Variants in NLRC4 observed in about 807,000 individuals in gnomAD.
NLRC4 encodes the protein NLR family CARD domain containing 4, also known as NLR family CARD domain-containing protein 4.
In NLRC4, 63 loss-of-function variants were observed where a neutral mutation model predicts 79.9. The observed-to-expected ratio is 0.79, with a 90% CI of 0.64 to 0.97. The LOEUF (loss-of-function observed/expected upper bound fraction) is 0.97. NLRC4 is among the 50% of genes least tolerant of loss of function. The pLI is 0.00. For missense variants in NLRC4, 1,074 were observed against 1,215.2 expected, an observed-to-expected ratio of 0.88 and a Z score of 1.73; for synonymous variants, 461 against 456.5, an observed-to-expected ratio of 1.01 and a Z score of -0.12.
In NLRC4 at chr2:32,252,404, C is replaced by G. The variant is rs773504438; in HGVS notation, c.262+15G>C. ...TCTACTTGCAGAAACAGATGCAAAA[C>G]TAACTGATACTTACTTTGTCCATTC... On this transcript the variant is annotated intron_variant, in intron 3 of 8. Transcript: ENST00000402280. 6.3e-7 allele frequency: 1 copy of G among 1,588,324 alleles called. No individual in the cohort carries two copies. Among genetic ancestry groups the G allele is most frequent in the Non-Finnish European group, 8.6e-7 (1 of 1,156,986 alleles).
At chr2:32,234,602 G>T (rs997185681) in intron 8 of NLRC4, among the ~76,000 whole-genome samples, 1 of 152,134 alleles carries the variant, frequency 6.6e-6, no homozygotes, top group Non-Finnish European at 1.5e-5. Context: ...GCAACCAGTG[G>T]GATATGTCAG....
chr2:32,255,609 C>G (rs1159928314), intron 2 of NLRC4, among the ~76,000 whole-genome samples: 1 of 151,474 alleles, frequency 6.6e-6, no homozygotes. Context: ...CTTCCTGAGA[C>G]TACCTTTCTT....
At chr2:32,228,495 G>T (rs2148929970) in intron 8 of NLRC4, among the ~76,000 whole-genome samples, 1 of 152,208 alleles carries the variant, frequency 6.6e-6, no homozygotes, top group Non-Finnish European at 1.5e-5. Flanking sequence ...TCAGACATTT[G>T]ACAACAGCCT....
At chr2:32,229,764 G>T (rs1686488608) in intron 8 of NLRC4, among the ~76,000 whole-genome samples, 1 of 152,180 alleles carries the variant, frequency 6.6e-6, no homozygotes, top group African/African-American at 2.4e-5. Flanking sequence ...AGAAGGGAAT[G>T]CTCAGTGTCA....
At chr2:32,260,451 C>T (rs1006055958) in intron 1 of NLRC4, among the ~76,000 whole-genome samples, 8 of 152,114 alleles carry the variant, frequency 5.3e-5, no homozygotes, top group South Asian at 2.1e-4. Flanking sequence ...AAACTAGATG[C>T]TCACAGCCAT....
chr2:32,237,651 C>T (rs1686703178), intron 6 of NLRC4, among the ~76,000 whole-genome samples: 1 of 152,204 alleles, frequency 6.6e-6, no homozygotes, highest in African/African-American at 2.4e-5. Flanking sequence ...CAGTTAGTTT[C>T]CCCGTAGTTG....
intron 2 of NLRC4, among the ~76,000 whole-genome samples, chr2:32,254,681 C>T (rs546086943): frequency 6.8e-6 from 1 of 146,370 alleles, no homozygotes; most frequent in Non-Finnish European, 1.5e-5. Flanking sequence ...TGCAATGGCG[C>T]GATCTCAGCT....
chr2:32,230,053 A>G (rs1686493811), intron 8 of NLRC4, among the ~76,000 whole-genome samples: 2 of 152,202 alleles, frequency 1.3e-5, no homozygotes, highest in South Asian at 4.1e-4. Context: ...GGAGGGAGTC[A>G]GTAACAAGAG....
chr2:32,250,099 C>T lies in NLRC4; in HGVS notation c.1765G>A (p.Gly589Arg). ...FQGKSLYINS[G>R]NIPDYLFDFF... ...TCAAATAAGTAATCGGGGATGTTCCCTGAGTTGATATATAAGCTTTTACCT... is the reference window on the plus strand; with the variant it reads ...TCAAATAAGTAATCGGGGATGTTCCTTGAGTTGATATATAAGCTTTTACCT... Residue 589 changes from glycine to arginine, a missense_variant, in exon 4 of 9, where the codon GGG (glycine) becomes AGG (arginine). Transcript: ENST00000402280. The surrounding 1 kb of genome is among the most constrained non-coding windows in gnomAD (Gnocchi z 4.9). 1 of 1,614,040 alleles carries T rather than the reference C, an allele frequency of 6.2e-7. No homozygotes were observed. Among genetic ancestry groups the T allele is most frequent in the Non-Finnish European group, 8.5e-7 (1 of 1,179,908 alleles).
intron 6 of NLRC4, 101 bp downstream of exon 6, chr2:32,238,031 T>G: frequency 2.3e-6 from 2 of 853,260 alleles, no homozygotes; most frequent in Non-Finnish European, 3.4e-6. Context: ...CAGTTTTCCT[T>G]AAAATTAAAT....
At chr2:32,258,921 A>G (rs1042414880) in intron 1 of NLRC4, among the ~76,000 whole-genome samples, 7 of 152,146 alleles carry the variant, frequency 4.6e-5, no homozygotes, top group African/African-American at 9.7e-5. Context: ...ATGAAGATGC[A>G]AAGTCTGAAT....
chr2:32,245,799 A>G (rs751650374), intron 4 of NLRC4, among the ~76,000 whole-genome samples: 13 of 152,232 alleles, frequency 8.5e-5, no homozygotes, highest in Admixed American at 5.9e-4. Flanking sequence ...TAGGGTTAAG[A>G]CATCTAAATG....
intron 1 of NLRC4, among the ~76,000 whole-genome samples, chr2:32,261,240 A>G (rs1687337479): frequency 1.4e-5 from 2 of 140,444 alleles, no homozygotes; most frequent in South Asian, 4.5e-4. Context: ...AAAACCACTC[A>G]CTCAGGTTCC....
Position 32,251,267 on chromosome 2 carries a change from G to A in NLRC4, c.597C>T (p.Phe199=), listed in dbSNP as rs542279142. The stretch of plus-strand genomic sequence containing the variant: ...CCCTGCTGAGACGGAGGAAGAAGAC[G>A]AATTTGAACTTGGTCAGAGCCTTGC... ...GKCKALTKFK[F]VFFLRLSRAQ... is the part of the protein sequence containing the mutation. The change falls in exon 4 of 9, where the codon TTC becomes TTT. Residue 199 remains phenylalanine (F), a synonymous_variant. Coordinates refer to ENST00000402280, the MANE Select transcript of NLRC4 (RefSeq NM_001199138.2). 18 of 1,614,152 alleles carry A rather than the reference G, an allele frequency of 1.1e-5. No homozygotes were observed. Among genetic ancestry groups the A allele is most frequent in the Non-Finnish European group, 1.4e-5 (17 of 1,180,024 alleles).
chr2:32,234,864 T>C (rs1186004190), intron 8 of NLRC4, among the ~76,000 whole-genome samples: 1 of 152,268 alleles, frequency 6.6e-6, no homozygotes, highest in Non-Finnish European at 1.5e-5. Flanking sequence ...TAAGCCATTA[T>C]GTTTTGAGGC....
At chr2:32,239,407 C>T (rs1243988277) in intron 5 of NLRC4, among the ~76,000 whole-genome samples, 1 of 152,202 alleles carries the variant, frequency 6.6e-6, no homozygotes, top group Non-Finnish European at 1.5e-5. Flanking sequence ...ATAGTAAGTG[C>T]TCCATAAATG....
intron 4 of NLRC4, 106 bp downstream of exon 4, chr2:32,249,501 C>T (rs978587167): frequency 3.1e-6 from 3 of 967,078 alleles, no homozygotes; most frequent in African/African-American, 1.6e-5. Flanking sequence ...ACCTTGCAGG[C>T]TGTAACCCTT....
chr2:32,226,017 G>T (rs1221582740), intron 8 of NLRC4, among the ~76,000 whole-genome samples: 3 of 152,140 alleles, frequency 2.0e-5, no homozygotes, highest in Non-Finnish European at 2.9e-5. Context: ...CCTTTCCATT[G>T]TCTCAGTGAG....
rs755228287 is a variant in NLRC4, at chr2:32,252,577, C to T, written c.104G>A (p.Arg35His). Residue 35 changes from arginine to histidine, a missense_variant, in exon 3 of 9, where the codon CGC becomes CAC. By Grantham distance (29) the Arg-to-His change is conservative (BLOSUM62 0). Transcript: ENST00000402280. Reference protein sequence around the residue: ...DDLFVWNVLNREEVNIICCEK... With the variant: ...DDLFVWNVLNHEEVNIICCEK... Reference sequence around the variant, plus strand: ...GCAGCAAATGATGTTTACTTCTTCGCGATTCAGAACATTCCATACAAATAG... The same window carrying T: ...GCAGCAAATGATGTTTACTTCTTCGTGATTCAGAACATTCCATACAAATAG... 41 of 1,614,154 alleles carry T rather than the reference C, an allele frequency of 2.5e-5. No homozygotes were observed. The highest frequency in any genetic ancestry group is 3.2e-5 in the Non-Finnish European group (38 of 1,180,016).
Sources: allele counts gnomAD v4.1 joint callset (sites outside exome capture counted in the v4.1 genomes callset), GRCh38; gene constraint gnomAD v4.1.1; non-coding constraint Gnocchi (gnomAD v3.1); transcripts MANE v1.5; gene names NCBI Gene and HGNC (gene_info 2026-07-23, HGNC 2026-07-21).